Variants in NT5C2 observed in about 807,000 individuals in gnomAD.
NT5C2 encodes the protein 5'-nucleotidase, cytosolic II.
In NT5C2, 58 loss-of-function variants were observed where a neutral mutation model predicts 76.1. The observed-to-expected ratio is 0.76, with a 90% CI of 0.62 to 0.95. NT5C2 has a LOEUF of 0.95. NT5C2 is among the 40% of genes least tolerant of loss of function. The pLI is 0.00. For synonymous variants in NT5C2, 229 were observed against 237.4 expected (o/e 0.96, Z 0.32); for missense variants, 478 against 690.3 (o/e 0.69, Z 3.45).
intron 6 of NT5C2, 131 bp downstream of exon 6, chr10:103,105,575 C>A (rs373449338): frequency 6.2e-6 from 4 of 643,980 alleles, no homozygotes; most frequent in Admixed American, 2.9e-5. Flanking sequence ...TGTTAACTAA[C>A]CTTATGTAAG....
chr10:103,147,272 T>C (rs1162468636), intron 3 of NT5C2, among the ~76,000 whole-genome samples: 1 of 152,218 alleles, frequency 6.6e-6, no homozygotes, highest in African/African-American at 2.4e-5. Context: ...AAAACTTTCA[T>C]TTTGTCAAAA....
intron 4 of NT5C2, among the ~76,000 whole-genome samples, chr10:103,132,614 C>T (rs556849878): frequency 5.9e-5 from 9 of 152,080 alleles, no homozygotes; most frequent in East Asian, 3.9e-4. Context: ...GGCGCGATCT[C>T]GGCTCACTGT....
chr10:103,190,378 T>TC (rs1476768080), intron 1 of NT5C2, among the ~76,000 whole-genome samples: 1 of 152,184 alleles, frequency 6.6e-6, no homozygotes, highest in Non-Finnish European at 1.5e-5. Flanking sequence ...AATCATACCC[T>TC]CAATACATCC....
chr10:103,105,575 C>T (rs373449338), intron 6 of NT5C2, 131 bp downstream of exon 6: 88 of 644,098 alleles, frequency 1.4e-4, no homozygotes, highest in African/African-American at 1.3e-3. Flanking sequence ...TGTTAACTAA[C>T]CTTATGTAAG....
intron 3 of NT5C2, chr10:103,169,429 T>C (rs2087257911): frequency 6.6e-6 from 1 of 151,882 alleles, no homozygotes; most frequent in Non-Finnish European, 1.5e-5. Context: ...TCAACCTGGG[T>C]AACACAGCAA....
At chr10:103,161,949 C>A (rs1199344896) in intron 3 of NT5C2, among the ~76,000 whole-genome samples, 2 of 152,006 alleles carry the variant, frequency 1.3e-5, no homozygotes, top group African/African-American at 2.4e-5. Context: ...AATGGTTGTA[C>A]CACTTTGTAA....
At chr10:103,183,938 A>G (rs1307891477) in intron 1 of NT5C2, among the ~76,000 whole-genome samples, 1 of 151,368 alleles carries the variant, frequency 6.6e-6, no homozygotes, top group Non-Finnish European at 1.5e-5. Flanking sequence ...GTTCATGATA[A>G]GTTTTTGGTT....
chr10:103,161,174 C>T (rs1428989038), intron 3 of NT5C2, among the ~76,000 whole-genome samples: 2 of 152,096 alleles, frequency 1.3e-5, no homozygotes, highest in African/African-American at 4.8e-5. Context: ...ATGGTATATC[C>T]ATACAATATA....
In NT5C2 at chr10:103,090,801, C is replaced by T. The variant is rs372206991; in HGVS notation, c.1273-14G>A. 1.2e-6 allele frequency: 2 copies of T among 1,613,190 alleles called. No homozygotes were observed. Among genetic ancestry groups the T allele is most frequent in the South Asian group, 1.1e-5 (1 of 90,924 alleles). ...ATGAGTTACTTTCTAAAACAAAGAA[C>T]AAGATTGATTCTTGGCTCATTCAAC... On this transcript the variant is annotated splice_polypyrimidine_tract_variant and intron_variant, in intron 17 of 18. Transcript: ENST00000404739.
At chr10:103,187,726 TAGC>T (rs1236381763) in intron 1 of NT5C2, among the ~76,000 whole-genome samples, 9 of 152,298 alleles carry the variant, frequency 5.9e-5, no homozygotes, top group Non-Finnish European at 1.3e-4. Flanking sequence ...CTGGTTTACT[TAGC>T]AGCTCTCAAA....
chr10:103,129,901 G>C (rs1243313188), intron 4 of NT5C2, among the ~76,000 whole-genome samples: 1 of 44,712 alleles, frequency 2.2e-5, no homozygotes, highest in African/African-American at 8.7e-5. Flanking sequence ...CCCCCCGCCC[G>C]GCCAGCCGCC....
At chr10:103,091,307 T>C (rs547953018) in intron 16 of NT5C2, among the ~76,000 whole-genome samples, 2 of 152,168 alleles carry the variant, frequency 1.3e-5, no homozygotes, top group African/African-American at 4.8e-5. Context: ...CCCAAAGTGC[T>C]GGGATTACAG....
chr10:103,118,835 G>A (rs979251441), intron 4 of NT5C2, among the ~76,000 whole-genome samples: 1 of 151,212 alleles, frequency 6.6e-6, no homozygotes, highest in Non-Finnish European at 1.5e-5. Flanking sequence ...ATCTCTTTTT[G>A]GAGAGGGAAT....
chr10:103,188,847 C>A (rs1415202640), intron 1 of NT5C2, among the ~76,000 whole-genome samples: 1 of 152,022 alleles, frequency 6.6e-6, no homozygotes, highest in Non-Finnish European at 1.5e-5. Flanking sequence ...ACCGAAAACA[C>A]AAAAATTAGC....
chr10:103,160,511 G>T (rs1483827845), intron 3 of NT5C2, among the ~76,000 whole-genome samples: 2 of 152,110 alleles, frequency 1.3e-5, no homozygotes, highest in South Asian at 4.1e-4. Flanking sequence ...TCTGATAAAG[G>T]TCTAGAATCC....
chr10:103,106,416 T>C (rs539698639), intron 5 of NT5C2, among the ~76,000 whole-genome samples, 173 bp downstream of exon 5: 4 of 152,310 alleles, frequency 2.6e-5, no homozygotes, highest in African/African-American at 7.2e-5. Flanking sequence ...ATGGTGTATA[T>C]GGAAAGTTCA....
intron 2 of NT5C2, among the ~76,000 whole-genome samples, chr10:103,180,608 G>A (rs1466073601): frequency 1.3e-5 from 2 of 152,186 alleles, no homozygotes; most frequent in South Asian, 2.1e-4. Context: ...GCACATGCCT[G>A]TAGTCCCAGC....
intron 2 of NT5C2, 119 bp from the exon 3 acceptor site, chr10:103,175,101 A>C: frequency 1.7e-6 from 1 of 589,266 alleles, no homozygotes; most frequent in Non-Finnish European, 3.0e-6. Context: ...TTACCTATTA[A>C]AACACACTGA....
chr10:103,183,262 G>GTGATAT (rs769522226), intron 1 of NT5C2, among the ~76,000 whole-genome samples: 1,633 of 73,308 alleles, frequency 0.022, 22 homozygotes, highest in Non-Finnish European at 0.029. Context: ...GTGTGTGTGT[G>GTGATAT]ATATATATAT....
Sources: gnomAD v4.1 joint callset for allele counts (sites outside exome capture counted in the v4.1 genomes callset) on GRCh38, gnomAD v4.1.1 for gene constraint, MANE v1.5 for transcripts, NCBI Gene and HGNC (gene_info 2026-07-23, HGNC 2026-07-21) for gene names.